SLC25A21: variants seen among roughly 807,000 people sequenced by gnomAD.
SLC25A21 encodes mitochondrial 2-oxodicarboxylate carrier.
Under a neutral mutation model 43.8 loss-of-function variants are expected in SLC25A21, and 47 were observed. The observed-to-expected ratio is 1.07, with a 90% CI of 0.85 to 1.37. The LOEUF is 1.37. Ranked by LOEUF, SLC25A21 falls within the 40% of genes most tolerant of loss-of-function variation. The pLI is 0.00. For synonymous variants in SLC25A21, 131 were observed against 121.3 expected (o/e 1.08, Z -0.52); for missense variants, 352 against 350.2 (o/e 1.00, Z -0.04).
At chr14:37,028,503 A>C (rs10129573) in intron 1 of SLC25A21, among the ~76,000 whole-genome samples, 8,346 of 152,210 alleles carry the variant, frequency 0.055, 735 homozygotes, top group African/African-American at 0.19. Context: ...TTGATGTTCC[A>C]GTATTTATTT....
intron 1 of SLC25A21, among the ~76,000 whole-genome samples, chr14:37,128,738 C>T (rs1419278791): frequency 1.3e-5 from 2 of 152,052 alleles, no homozygotes; most frequent in Non-Finnish European, 2.9e-5. Context: ...AAGCACGCAC[C>T]ATTACGCTCA....
chr14:37,033,054 T>C (rs2138771394), intron 1 of SLC25A21, among the ~76,000 whole-genome samples: 1 of 152,346 alleles, frequency 6.6e-6, no homozygotes. Context: ...AGATTCACAT[T>C]GTTGTGCAAT....
intron 1 of SLC25A21, among the ~76,000 whole-genome samples, chr14:37,170,139 G>A (rs1345770018): frequency 6.6e-6 from 1 of 151,940 alleles, no homozygotes; most frequent in Non-Finnish European, 1.5e-5. Flanking sequence ...GGGTTCAAGC[G>A]ATTCTCCTGC....
chr14:37,013,258 T>C (rs144780556), intron 1 of SLC25A21, among the ~76,000 whole-genome samples: 3,084 of 152,252 alleles, frequency 0.02, 56 homozygotes, highest in South Asian at 0.064. Context: ...CAGATAAAGA[T>C]CAACTCAATG....
intron 1 of SLC25A21, among the ~76,000 whole-genome samples, chr14:37,048,902 C>T (rs557478237): frequency 1.1e-4 from 16 of 152,264 alleles, no homozygotes; most frequent in African/African-American, 3.6e-4. Context: ...GCAGGCTTAA[C>T]TTCAAATAAT....
chr14:36,996,282 CAT>C (rs1237440739), intron 1 of SLC25A21, among the ~76,000 whole-genome samples: 1 of 152,164 alleles, frequency 6.6e-6, no homozygotes, highest in Non-Finnish European at 1.5e-5. Flanking sequence ...TTCACTTGAT[CAT>C]AGTATCTAAG....
At chr14:37,032,851 T>C (rs928444431) in intron 1 of SLC25A21, among the ~76,000 whole-genome samples, 3 of 152,172 alleles carry the variant, frequency 2.0e-5, no homozygotes, top group Admixed American at 2.0e-4. Flanking sequence ...CCAATCTGCG[T>C]ACCGCCCTTT....
intron 1 of SLC25A21, among the ~76,000 whole-genome samples, chr14:36,997,718 A>G (rs572530022): frequency 8.5e-4 from 129 of 151,594 alleles, no homozygotes; most frequent in Non-Finnish European, 1.7e-3. Context: ...AATCCCAAAT[A>G]CTCAGGAGGC....
At chr14:36,736,029 G>A (rs1178291523) in intron 3 of SLC25A21, among the ~76,000 whole-genome samples, 5 of 139,696 alleles carry the variant, frequency 3.6e-5, no homozygotes, top group Middle Eastern at 3.8e-3. Flanking sequence ...TCCACCTCCC[G>A]GGTTCACGCC....
At chr14:36,755,431 A>AT (rs1431213574) in intron 3 of SLC25A21, among the ~76,000 whole-genome samples, 3 of 152,094 alleles carry the variant, frequency 2.0e-5, no homozygotes, top group Non-Finnish European at 4.4e-5. Context: ...AGGCAAGGTG[A>AT]TTTTTTTCCT....
At chr14:37,116,434 T>C (rs1963107914) in intron 1 of SLC25A21, among the ~76,000 whole-genome samples, 2 of 152,202 alleles carry the variant, frequency 1.3e-5, no homozygotes, top group African/African-American at 4.8e-5. Flanking sequence ...CAGCATTACA[T>C]TTGAAGTCCT....
chr14:36,994,413 T>C (rs1463767987), intron 1 of SLC25A21, among the ~76,000 whole-genome samples: 8 of 152,218 alleles, frequency 5.3e-5, no homozygotes. Context: ...CTTAGGAATT[T>C]GGAAGTTTTT....
intron 7 of SLC25A21, among the ~76,000 whole-genome samples, chr14:36,688,341 C>T (rs965659745): frequency 1.3e-5 from 2 of 152,174 alleles, no homozygotes; most frequent in Admixed American, 1.3e-4. Flanking sequence ...TATATTTTTG[C>T]GTGTATCTCT....
Position 36,680,169 on chromosome 14 carries a change from C to CTT in SLC25A21, c.*487_*488dup. ...CACTTTAAAAAATTTTTCTTGTGCT[C>CTT]TTTAAATATTATTTATGGAATAATT... On this transcript the variant is annotated 3_prime_UTR_variant, in exon 10 of 10. Coordinates refer to ENST00000331299, the MANE Select transcript of SLC25A21 (RefSeq NM_030631.4). 3.6e-6 allele frequency: 3 copies of CTT among 841,756 alleles called. No homozygotes were observed. Among genetic ancestry groups the CTT allele is most frequent in the Non-Finnish European group, 4.3e-6 (3 of 700,002 alleles). The allele number at this position is 841,756 out of a possible 1,614,324, so 52.1% of individuals were successfully genotyped here. A position where few individuals can be genotyped will look rare whatever the true frequency, so the allele number is the denominator to read the frequency against.
At chr14:36,973,680 T>C (rs1460475791) in intron 1 of SLC25A21, among the ~76,000 whole-genome samples, 3 of 152,238 alleles carry the variant, frequency 2.0e-5, no homozygotes, top group Non-Finnish European at 4.4e-5. Context: ...GGTTTTTCAC[T>C]AGGACAATTA....
intron 1 of SLC25A21, among the ~76,000 whole-genome samples, chr14:37,093,030 T>C (rs1421961798): frequency 6.6e-6 from 1 of 152,098 alleles, no homozygotes; most frequent in Non-Finnish European, 1.5e-5. Context: ...GATGTATATA[T>C]AGCAACTATT....
intron 1 of SLC25A21, among the ~76,000 whole-genome samples, chr14:36,929,439 G>C (rs1385664668): frequency 6.6e-6 from 1 of 152,106 alleles, no homozygotes; most frequent in Non-Finnish European, 1.5e-5. Context: ...GGCTATCCCT[G>C]ACTTGGAGAA....
chr14:37,096,641 GT>G (rs1290915305), intron 1 of SLC25A21, among the ~76,000 whole-genome samples: 1 of 151,330 alleles, frequency 6.6e-6, no homozygotes, highest in Non-Finnish European at 1.5e-5. Context: ...GATCAGTTCT[GT>G]TTCTGAGACA....
chr14:37,098,116 AT>A (rs1294012893), intron 1 of SLC25A21: 7 of 152,282 alleles, frequency 4.6e-5, no homozygotes, highest in Admixed American at 2.0e-4. Context: ...AATTCACAGT[AT>A]TTACCTCTAG....
Sources: allele counts gnomAD v4.1 joint callset (sites outside exome capture counted in the v4.1 genomes callset), GRCh38; gene constraint gnomAD v4.1.1; transcripts MANE v1.5; gene names NCBI Gene and HGNC (gene_info 2026-07-23, HGNC 2026-07-21).